ABCC4: variants seen among roughly 807,000 people sequenced by gnomAD.
ABCC4 encodes ATP binding cassette subfamily C member 4 (PEL blood group).
A neutral mutation model predicts 168.5 loss-of-function variants in ABCC4; 102 were observed. That is an observed-to-expected ratio of 0.61 (90% confidence interval 0.52 to 0.71). The LOEUF is 0.71. Among genes scored for constraint, ABCC4 ranks in the 30% least tolerant of loss-of-function variants. The pLI is 0.00. For synonymous variants in ABCC4, 617 were observed against 590.7 expected, an observed-to-expected ratio of 1.04 and a Z score of -0.65; for missense variants, 1,402 against 1,605.8, an observed-to-expected ratio of 0.87 and a Z score of 2.17.
At chr13:95,150,809 T>C (rs1345406742) in intron 19 of ABCC4, among the ~76,000 whole-genome samples, 1 of 152,182 alleles carries the variant, frequency 6.6e-6, no homozygotes, top group African/African-American at 2.4e-5. Context: ...CTGTAGCACT[T>C]AGACCTCCCC....
intron 28 of ABCC4, among the ~76,000 whole-genome samples, 175 bp downstream of exon 28, chr13:95,044,091 A>G (rs2032476018): frequency 6.6e-6 from 1 of 152,180 alleles, no homozygotes; most frequent in African/African-American, 2.4e-5. Context: ...AATATCTCTG[A>G]CACTGGAAAA....
Position 95,119,699 on chromosome 13 carries a change from G to A in ABCC4, c.2456-3698C>T, listed in dbSNP as rs1032913854. Among the ~76,000 whole-genome samples, 28 of 152,132 alleles carry A rather than the reference G, an allele frequency of 1.8e-4. 1 individual carries two copies. Among genetic ancestry groups the A allele is most frequent in the Admixed American group, 1.8e-3 (28 of 15,268 alleles). Reference sequence around the variant, plus strand: ...ATAACCGTACTACAATTTAAAACTTGTAAGTTCCCATGTCTACTGTGAGCC... The same window carrying A: ...ATAACCGTACTACAATTTAAAACTTATAAGTTCCCATGTCTACTGTGAGCC... On this transcript the variant is annotated intron_variant, in intron 19 of 30. Coordinates refer to ENST00000645237, the MANE Select transcript of ABCC4 (RefSeq NM_005845.5).
rs187430291 is a variant in ABCC4 at position 95,187,560 on chromosome 13, C to T, written c.1354-668G>A. ...TGGAGGTTGCAGTGACTCTAGATCA[C>T]GCCACTGCACTCCAGCCTGGGTGAC... On this transcript the variant is annotated intron_variant, in intron 10 of 30. Coordinates refer to ENST00000645237, the MANE Select transcript of ABCC4 (RefSeq NM_005845.5). Among the ~76,000 whole-genome samples the T allele has an allele frequency of 6.2e-3, 939 of 152,218 alleles. 11 individuals are homozygous for T. The highest frequency in any genetic ancestry group is 0.021 in the African/African-American group (891 of 41,522).
At position 95,299,463 on chromosome 13, in the gene ABCC4, C is replaced by T. The variant is rs536347304; in HGVS notation, c.74+1778G>A. 5.9e-5 allele frequency among the ~76,000 whole-genome samples: 9 copies of T among 152,178 alleles called. No homozygotes were observed. The South Asian group carries it at 1.2e-3, about 21-fold the overall frequency. ...GTACCACAATCGAAACAAGAGTAAG[C>T]GACTCATCCTCTTGGAATCCCCTAG... On this transcript the variant is annotated intron_variant, in intron 1 of 30. Coordinates refer to ENST00000645237, the MANE Select transcript of ABCC4 (RefSeq NM_005845.5).
chr13:95,212,343 C>T (rs1048627993), intron 4 of ABCC4, among the ~76,000 whole-genome samples: 3 of 152,228 alleles, frequency 2.0e-5, no homozygotes, highest in African/African-American at 7.2e-5. Flanking sequence ...TACAAACTAT[C>T]TGTAAATATT....
chr13:95,284,521 G>A (rs1423002892), intron 1 of ABCC4, among the ~76,000 whole-genome samples: 1 of 152,180 alleles, frequency 6.6e-6, no homozygotes, highest in Non-Finnish European at 1.5e-5. Context: ...ACTAGGTCAG[G>A]TACTTGGGAC....
intron 20 of ABCC4, among the ~76,000 whole-genome samples, chr13:95,110,495 T>C (rs2035166977): frequency 1.3e-5 from 2 of 152,146 alleles, no homozygotes; most frequent in Non-Finnish European, 2.9e-5. Flanking sequence ...ATTTGCACTA[T>C]TAAAATTGTT....
intron 1 of ABCC4, among the ~76,000 whole-genome samples, chr13:95,255,758 A>C (rs2040377095): frequency 1.3e-5 from 2 of 151,806 alleles, no homozygotes; most frequent in African/African-American, 4.8e-5. Flanking sequence ...GGGTCCCCCA[A>C]CCCCCCTCCA....
intron 4 of ABCC4, among the ~76,000 whole-genome samples, chr13:95,226,638 T>C (rs991229769): frequency 1.2e-4 from 18 of 152,316 alleles, no homozygotes; most frequent in African/African-American, 3.1e-4. Context: ...TCTGAGTCCA[T>C]GATTGCTCTC....
intron 4 of ABCC4, among the ~76,000 whole-genome samples, chr13:95,215,130 A>G (rs2039074139): frequency 6.6e-6 from 1 of 152,190 alleles, no homozygotes; most frequent in South Asian, 2.1e-4. Context: ...GTGAGTAAAT[A>G]TAAGGACAGG....
chr13:95,171,877 T>A (rs915579932), intron 13 of ABCC4, among the ~76,000 whole-genome samples: 1 of 152,214 alleles, frequency 6.6e-6, no homozygotes, highest in Non-Finnish European at 1.5e-5. Flanking sequence ...CAATCTAGTA[T>A]ACCTCTTCAG....
chr13:95,296,212 A>T (rs1446078556), intron 1 of ABCC4, among the ~76,000 whole-genome samples: 3 of 151,202 alleles, frequency 2.0e-5, no homozygotes, highest in Non-Finnish European at 4.4e-5. Context: ...GGCCAGGAAT[A>T]GTGGCTCATT....
chr13:95,158,167 T>C (rs1247862422), intron 19 of ABCC4, among the ~76,000 whole-genome samples: 1 of 151,410 alleles, frequency 6.6e-6, no homozygotes, highest in Non-Finnish European at 1.5e-5. Flanking sequence ...TCCAAATAAG[T>C]GAACTTGGGA....
At chr13:95,080,159 AAC>A (rs2034040668) in intron 21 of ABCC4, among the ~76,000 whole-genome samples, 1 of 152,190 alleles carries the variant, frequency 6.6e-6, no homozygotes, top group Admixed American at 6.5e-5. Context: ...AGGATGAACG[AAC>A]ATGGGACACA....
chr13:95,166,034 G>A (rs4148500), intron 15 of ABCC4, 124 bp downstream of exon 15: 17,110 of 904,254 alleles, frequency 0.019, 1,091 homozygotes, highest in East Asian at 0.18. Flanking sequence ...ATGGAATAGA[G>A]CCCTGAAACC....
intron 13 of ABCC4, among the ~76,000 whole-genome samples, chr13:95,175,994 C>A (rs1413036388): frequency 2.0e-5 from 3 of 152,010 alleles, no homozygotes; most frequent in African/African-American, 7.2e-5. Flanking sequence ...CACTCCTTCC[C>A]GTCTGCACAC....
chr13:95,292,936 C>T (rs2041438751), intron 1 of ABCC4, among the ~76,000 whole-genome samples: 1 of 152,140 alleles, frequency 6.6e-6, no homozygotes, highest in Non-Finnish European at 1.5e-5. Context: ...AAAGTCTGAA[C>T]ATCTGCTGGG....
chr13:95,208,083 T>G (rs1019057653), intron 6 of ABCC4, among the ~76,000 whole-genome samples, 158 bp from the exon 7 acceptor site: 2 of 152,120 alleles, frequency 1.3e-5, no homozygotes, highest in Non-Finnish European at 1.5e-5. Flanking sequence ...AGAAAAAGAC[T>G]TCGATTAGGA....
chr13:95,138,305 TA>T (rs2036203911), intron 19 of ABCC4, among the ~76,000 whole-genome samples: 1 of 152,230 alleles, frequency 6.6e-6, no homozygotes, highest in African/African-American at 2.4e-5. Context: ...CCTTATGCAA[TA>T]ATTTTCTGGA....
Sources: allele counts gnomAD v4.1 joint callset (sites outside exome capture counted in the v4.1 genomes callset), GRCh38; gene constraint gnomAD v4.1.1; transcripts MANE v1.5; gene names NCBI Gene and HGNC (gene_info 2026-07-23, HGNC 2026-07-21).